Variants in CSMD3 observed in about 807,000 individuals in gnomAD.
CSMD3 encodes the protein CUB and Sushi multiple domains 3.
Under a neutral mutation model 435.2 loss-of-function variants are expected in CSMD3, and 177 were observed. The ratio of observed to expected loss-of-function variants is 0.41; its 90% confidence interval spans 0.36 to 0.46. The LOEUF (loss-of-function observed/expected upper bound fraction) is 0.46. Among genes scored for constraint, CSMD3 ranks in the 20% least tolerant of loss-of-function variants. CSMD3 has a pLI of 0.34. For missense variants in CSMD3, 4,265 were observed against 4,504.6 expected, an observed-to-expected ratio of 0.95 and a Z score of 1.52; for synonymous variants, 1,656 against 1,520.5, an observed-to-expected ratio of 1.09 and a Z score of -2.07.
intron 1 of CSMD3, among the ~76,000 whole-genome samples, chr8:113,369,142 A>AC (rs1437211593): frequency 1.3e-5 from 2 of 152,000 alleles, no homozygotes; most frequent in Non-Finnish European, 2.9e-5. Flanking sequence ...TCAATTTCTC[A>AC]CCATATTTTT....
chr8:113,324,439 G>A (rs974566706), intron 1 of CSMD3, among the ~76,000 whole-genome samples: 12 of 152,092 alleles, frequency 7.9e-5, no homozygotes, highest in African/African-American at 2.7e-4. Flanking sequence ...CGTAGACCTC[G>A]GTGCATGGCT....
At chr8:113,162,586 A>AC (rs1357757193) in intron 4 of CSMD3, among the ~76,000 whole-genome samples, 1 of 151,700 alleles carries the variant, frequency 6.6e-6, no homozygotes, top group Non-Finnish European at 1.5e-5. Context: ...AAAAAAAAAA[A>AC]AAAAAAACTT....
At chr8:112,680,131 G>T (rs1461471554) in intron 16 of CSMD3, among the ~76,000 whole-genome samples, 2 of 152,204 alleles carry the variant, frequency 1.3e-5, no homozygotes, top group Non-Finnish European at 2.9e-5. Context: ...GAGGCAGGCG[G>T]ATGACCTGAG....
chr8:112,264,534 T>G (rs1315776144), intron 60 of CSMD3, among the ~76,000 whole-genome samples: 2 of 152,052 alleles, frequency 1.3e-5, no homozygotes, highest in Non-Finnish European at 2.9e-5. Flanking sequence ...TTGAGTAATA[T>G]CTAATTCATA....
chr8:112,419,616 A>T (rs951985849), intron 32 of CSMD3, among the ~76,000 whole-genome samples: 2 of 152,178 alleles, frequency 1.3e-5, no homozygotes, highest in African/African-American at 2.4e-5. Flanking sequence ...AATCCATAAT[A>T]TCTACTTTCA....
At chr8:113,149,623 G>A (rs180738689) in intron 4 of CSMD3, among the ~76,000 whole-genome samples, 4 of 152,018 alleles carry the variant, frequency 2.6e-5, no homozygotes, top group East Asian at 1.9e-4. Context: ...CCAGACCCAA[G>A]TCTTGTGATT....
intron 59 of CSMD3, 84 bp downstream of exon 59, chr8:112,281,090 A>G: frequency 8.5e-6 from 9 of 1,053,328 alleles, no homozygotes; most frequent in South Asian, 1.4e-5. Flanking sequence ...TGGTTTTATT[A>G]ATTACAAAAC....
At chr8:112,804,845 A>G (rs1370298432) in intron 12 of CSMD3, among the ~76,000 whole-genome samples, 2 of 151,774 alleles carry the variant, frequency 1.3e-5, no homozygotes, top group East Asian at 1.9e-4. Context: ...TTGTATTTTT[A>G]GTAGAGACGG....
intron 31 of CSMD3, among the ~76,000 whole-genome samples, chr8:112,484,605 T>C (rs1407618971): frequency 1.3e-5 from 2 of 151,912 alleles, no homozygotes; most frequent in East Asian, 3.9e-4. Flanking sequence ...TAGTTGAGAA[T>C]GGGGCACATC....
At chr8:112,939,833 A>G (rs1012209503) in intron 9 of CSMD3, among the ~76,000 whole-genome samples, 7 of 151,976 alleles carry the variant, frequency 4.6e-5, no homozygotes, top group Non-Finnish European at 7.4e-5. Flanking sequence ...AGAGTGAAAA[A>G]TGGGTAGTCA....
chr8:112,245,812 A>G (rs549115250), intron 64 of CSMD3, among the ~76,000 whole-genome samples: 133 of 152,318 alleles, frequency 8.7e-4, no homozygotes, highest in Middle Eastern at 6.8e-3. Flanking sequence ...TGCTAGGATT[A>G]TAGGCGTGAG....
chr8:112,627,161 T>G (rs929554374), intron 22 of CSMD3, among the ~76,000 whole-genome samples: 6 of 152,142 alleles, frequency 3.9e-5, no homozygotes, highest in Non-Finnish European at 5.9e-5. Context: ...TTGATGAATA[T>G]CATACTTTCT....
intron 12 of CSMD3, among the ~76,000 whole-genome samples, chr8:112,821,919 T>C (rs960816448): frequency 3.9e-5 from 6 of 152,206 alleles, no homozygotes; most frequent in African/African-American, 1.4e-4. Flanking sequence ...CCTTTCTCCA[T>C]TGCTTGTTTT....
intron 1 of CSMD3, among the ~76,000 whole-genome samples, chr8:113,405,898 A>G (rs1338665351): frequency 2.6e-5 from 4 of 151,818 alleles, no homozygotes; most frequent in Non-Finnish European, 5.9e-5. Flanking sequence ...AGGAACTTGA[A>G]GTTCAGCAGT....
chr8:113,161,014 A>G (rs544672666), intron 4 of CSMD3, among the ~76,000 whole-genome samples: 18 of 152,186 alleles, frequency 1.2e-4, no homozygotes, highest in African/African-American at 3.8e-4. Context: ...TTTGGTTACA[A>G]TGTTTGAGGA....
intron 22 of CSMD3, among the ~76,000 whole-genome samples, chr8:112,622,961 T>C (rs1834190366): frequency 1.3e-5 from 2 of 152,150 alleles, no homozygotes; most frequent in Non-Finnish European, 2.9e-5. Context: ...TTCTAAGTTA[T>C]GAACAAGATT....
chr8:113,203,652 G>A (rs1225032119), intron 3 of CSMD3, among the ~76,000 whole-genome samples: 1 of 151,922 alleles, frequency 6.6e-6, no homozygotes, highest in African/African-American at 2.4e-5. Flanking sequence ...TGAAAATTTA[G>A]TTCTTAAATT....
At chr8:113,395,553 G>C (rs1340020308) in intron 1 of CSMD3, among the ~76,000 whole-genome samples, 1 of 150,018 alleles carries the variant, frequency 6.7e-6, no homozygotes, top group Non-Finnish European at 1.5e-5. Context: ...AGCTTGCAGT[G>C]AGCTGAGATC....
At chr8:113,376,577 T>A (rs941778692) in intron 1 of CSMD3, 4 of 709,854 alleles carry the variant, frequency 5.6e-6, no homozygotes, top group Non-Finnish European at 9.5e-6. Context: ...AACTAATATA[T>A]AAAAAAATTG....
Sources: allele counts gnomAD v4.1 joint callset (sites outside exome capture counted in the v4.1 genomes callset), GRCh38; gene constraint gnomAD v4.1.1; transcripts MANE v1.5; gene names NCBI Gene and HGNC (gene_info 2026-07-23, HGNC 2026-07-21).